Variants in TGFB2 observed in about 807,000 individuals in gnomAD.
TGFB2 encodes transforming growth factor beta 2, also known as transforming growth factor beta-2 proprotein.
TGFB2 carries 13 observed loss-of-function variants against 42.7 expected under a neutral mutation model. That is an observed-to-expected ratio of 0.30 (90% CI 0.20 to 0.48). The LOEUF (loss-of-function observed/expected upper bound fraction) is 0.48. TGFB2 is among the 20% of genes least tolerant of loss of function. The probability of loss-of-function intolerance (pLI) is 0.99; values close to 1 mark genes in which losing one functional copy is unlikely to be tolerated. For synonymous variants in TGFB2, 193 were observed against 193.6 expected, an observed-to-expected ratio of 1.00 and a Z score of 0.03; for missense variants, 390 against 517.5, an observed-to-expected ratio of 0.75 and a Z score of 2.39.
At chr1:218,391,336 G>A (rs1658310933) in intron 1 of TGFB2, among the ~76,000 whole-genome samples, 1 of 152,146 alleles carries the variant, frequency 6.6e-6, no homozygotes, top group Non-Finnish European at 1.5e-5. Context: ...CAGGTCCAGA[G>A]CCCCTGCCCG....
intron 1 of TGFB2, among the ~76,000 whole-genome samples, chr1:218,370,862 G>C (rs1199615140): frequency 2.6e-5 from 4 of 152,200 alleles, no homozygotes; most frequent in African/African-American, 9.7e-5. Flanking sequence ...CATGATTTCA[G>C]TAGAGTAGGA....
At chr1:218,414,490 C>T (rs1199326340) in intron 2 of TGFB2, among the ~76,000 whole-genome samples, 1 of 151,908 alleles carries the variant, frequency 6.6e-6, no homozygotes, top group African/African-American at 2.4e-5. Flanking sequence ...AGTAACCCAC[C>T]TAAAAAAAGA....
At chr1:218,429,656 T>C (rs1375080615) in intron 2 of TGFB2, among the ~76,000 whole-genome samples, 3 of 152,236 alleles carry the variant, frequency 2.0e-5, no homozygotes, top group African/African-American at 7.2e-5. Flanking sequence ...GTTTGCCTTT[T>C]TGAGGAACTA....
intron 1 of TGFB2, 53 bp downstream of exon 1, chr1:218,347,100 C>G: frequency 6.7e-7 from 1 of 1,493,674 alleles, no homozygotes; most frequent in East Asian, 2.5e-5. Flanking sequence ...GCCCGGAGCT[C>G]TCAAAACCGC....
chr1:218,410,307 G>A lies in TGFB2; in HGVS notation c.510+4975G>A, dbSNP rs572900489. Among the ~76,000 whole-genome samples, 8 of 152,274 alleles carry A rather than the reference G, an allele frequency of 5.3e-5. No homozygotes were observed. The East Asian group carries it at 1.2e-3, about 22-fold the overall frequency. On this transcript the variant is annotated intron_variant, in intron 2 of 6. Coordinates refer to ENST00000366930, the MANE Select transcript of TGFB2 (RefSeq NM_003238.6). ...CAGGGTTTGTCTTGTCCAGAGCTGC[G>A]AAGGTCTATTGTTTCTCTCCACCTG...
chr1:218,376,871 T>C (rs529772203), intron 1 of TGFB2, among the ~76,000 whole-genome samples: 2 of 152,080 alleles, frequency 1.3e-5, no homozygotes, highest in Non-Finnish European at 2.9e-5. Context: ...TCCAAACACA[T>C]AGGAAGATGG....
At position 218,441,051 on chromosome 1, in the gene TGFB2, T is replaced by C. The variant is rs539856090; in HGVS notation, c.1087-153T>C. Among the ~76,000 whole-genome samples, 198 of 152,348 alleles carry C rather than the reference T, an allele frequency of 1.3e-3. 1 individual carries two copies. The highest frequency in any genetic ancestry group is 2.2e-3 in the Non-Finnish European group (148 of 68,038). On this transcript the variant is annotated intron_variant, in intron 6 of 6. Transcript: ENST00000366930. ...GTGATTGCTAAGGTCACATATCAGT[T>C]TGACTGTAATTTAGGAAATTAGCAA...
chr1:218,370,991 G>T (rs1657551568), intron 1 of TGFB2, among the ~76,000 whole-genome samples: 2 of 151,568 alleles, frequency 1.3e-5, no homozygotes. Flanking sequence ...ACAGGGAAAG[G>T]TTTCGCCCAC....
At chr1:218,397,309 A>G (rs1254499143) in intron 1 of TGFB2, among the ~76,000 whole-genome samples, 4 of 150,952 alleles carry the variant, frequency 2.6e-5, no homozygotes, top group African/African-American at 9.8e-5. Flanking sequence ...TATGCCTGTA[A>G]TCCCAGCACT....
chr1:218,379,501 T>TTTTA (rs1553296534), intron 1 of TGFB2, among the ~76,000 whole-genome samples: 1 of 148,202 alleles, frequency 6.7e-6, no homozygotes, highest in Non-Finnish European at 1.5e-5. Context: ...TTTTTTTTTT[T>TTTTA]ACTTCTGCGA....
At chr1:218,427,184 A>G (rs1659651201) in intron 2 of TGFB2, among the ~76,000 whole-genome samples, 1 of 152,150 alleles carries the variant, frequency 6.6e-6, no homozygotes, top group Non-Finnish European at 1.5e-5. Flanking sequence ...TACATTCACC[A>G]CAATATTGTA....
At chr1:218,405,018 C>G in intron 1 of TGFB2, 151 bp from the exon 2 acceptor site, 2 of 781,854 alleles carry the variant, frequency 2.6e-6, no homozygotes. Flanking sequence ...TCTTTTTTTT[C>G]TGGTTACATT....
At chr1:218,435,583 G>A (rs1385159007) in intron 4 of TGFB2, among the ~76,000 whole-genome samples, 1 of 152,044 alleles carries the variant, frequency 6.6e-6, no homozygotes, top group Non-Finnish European at 1.5e-5. Flanking sequence ...ACCAGCGGGT[G>A]ACAAGGCATG....
At position 218,444,212 on chromosome 1, in the gene TGFB2, C is replaced by A. The variant is rs571440594; in HGVS notation, c.*2850C>A. The A allele has an allele frequency of 9.9e-5, 15 of 152,220 alleles. 2 individuals are homozygous for A. The South Asian group carries it at 3.1e-3, about 32-fold the overall frequency. 9.4% of individuals were successfully genotyped at this position (152,220 alleles called of 1,614,324 possible). A position where few individuals can be genotyped will look rare whatever the true frequency, so the allele number is the denominator to read the frequency against. ...GAAATCCCTGTGCCGTCTTTTTATT[C>A]CCTTATTTATTGCTATTTGGTAATT... On this transcript the variant is annotated 3_prime_UTR_variant, in exon 7 of 7. Transcript: ENST00000366930.
chr1:218,439,617 G>A (rs1445793677), intron 6 of TGFB2, among the ~76,000 whole-genome samples: 3 of 152,096 alleles, frequency 2.0e-5, no homozygotes, highest in East Asian at 1.9e-4. Flanking sequence ...TTTGGCACTC[G>A]GGGGCGACCG....
chr1:218,410,986 A>G (rs1659077153), intron 2 of TGFB2, among the ~76,000 whole-genome samples: 1 of 152,214 alleles, frequency 6.6e-6, no homozygotes, highest in African/African-American at 2.4e-5. Flanking sequence ...TGCTTGGGGA[A>G]CTTAATGACA....
chr1:218,401,651 C>A (rs1263022001), intron 1 of TGFB2, among the ~76,000 whole-genome samples: 1 of 152,180 alleles, frequency 6.6e-6, no homozygotes, highest in Non-Finnish European at 1.5e-5. Context: ...GGAATAGGAA[C>A]TGGGATGCGC....
chr1:218,382,919 A>C (rs1168217633), intron 1 of TGFB2, among the ~76,000 whole-genome samples: 1 of 152,154 alleles, frequency 6.6e-6, no homozygotes, highest in Non-Finnish European at 1.5e-5. Context: ...GTCTATATGG[A>C]GGTATGAGGT....
At chr1:218,391,361 TC>T (rs927882224) in intron 1 of TGFB2, among the ~76,000 whole-genome samples, 25 of 152,300 alleles carry the variant, frequency 1.6e-4, no homozygotes, top group African/African-American at 5.5e-4. Flanking sequence ...CTTGGCTGTG[TC>T]CCTGGAGTTG....
Sources: gnomAD v4.1 joint callset for allele counts (sites outside exome capture counted in the v4.1 genomes callset) on GRCh38, gnomAD v4.1.1 for gene constraint, MANE v1.5 for transcripts, NCBI Gene and HGNC (gene_info 2026-07-23, HGNC 2026-07-21) for gene names.